DIAPH3: variants seen among roughly 807,000 people sequenced by gnomAD.
DIAPH3 encodes protein diaphanous homolog 3.
DIAPH3 carries 117 observed loss-of-function variants against 144.3 expected under a neutral mutation model. The ratio of observed to expected loss-of-function variants is 0.81; its 90% CI spans 0.70 to 0.95. The LOEUF (loss-of-function observed/expected upper bound fraction) is 0.95. Among genes scored for constraint, DIAPH3 ranks in the 40% least tolerant of loss-of-function variants. The pLI is 0.00. For missense variants in DIAPH3, 1,421 were observed against 1,412.7 expected (o/e 1.01, Z -0.09); for synonymous variants, 519 against 488.9 (o/e 1.06, Z -0.81).
intron 27 of DIAPH3, among the ~76,000 whole-genome samples, chr13:59,753,303 T>C (rs1466604009): frequency 6.6e-6 from 1 of 152,254 alleles, no homozygotes; most frequent in African/African-American, 2.4e-5. Context: ...CAGATATTTA[T>C]GTAATTCTAA....
intron 27 of DIAPH3, among the ~76,000 whole-genome samples, chr13:59,732,689 C>T (rs553308250): frequency 6.6e-6 from 1 of 152,146 alleles, no homozygotes; most frequent in South Asian, 2.1e-4. Flanking sequence ...GCAATCTGCC[C>T]ACCTAAGCCT....
At chr13:59,669,048 GT>G (rs1298157859) in intron 27 of DIAPH3, among the ~76,000 whole-genome samples, 3 of 152,146 alleles carry the variant, frequency 2.0e-5, no homozygotes, top group African/African-American at 7.2e-5. Context: ...TACTGAGGCT[GT>G]CTTCAAGAAA....
At chr13:59,804,456 C>G (rs543197843) in intron 25 of DIAPH3, among the ~76,000 whole-genome samples, 1 of 152,198 alleles carries the variant, frequency 6.6e-6, no homozygotes, top group South Asian at 2.1e-4. Flanking sequence ...AATCTGTGAT[C>G]ATGTGCAAGT....
intron 17 of DIAPH3, among the ~76,000 whole-genome samples, chr13:59,938,166 T>C (rs1375012668): frequency 6.6e-6 from 1 of 152,236 alleles, no homozygotes; most frequent in Non-Finnish European, 1.5e-5. Flanking sequence ...ATTTGCCTGA[T>C]CTGTGTTCTA....
intron 27 of DIAPH3, among the ~76,000 whole-genome samples, chr13:59,772,508 A>T (rs1196758882): frequency 9.9e-5 from 15 of 152,088 alleles, no homozygotes; most frequent in African/African-American, 3.4e-4. Flanking sequence ...GCCAGTACAC[A>T]TTAGCTTTAT....
chr13:59,957,950 A>C (rs1227640074), intron 17 of DIAPH3, among the ~76,000 whole-genome samples: 3 of 152,166 alleles, frequency 2.0e-5, no homozygotes, highest in Non-Finnish European at 4.4e-5. Context: ...TTCTCTAATC[A>C]AAAAGAAAAG....
At chr13:60,139,815 T>C (rs1232463607) in intron 1 of DIAPH3, among the ~76,000 whole-genome samples, 2 of 152,224 alleles carry the variant, frequency 1.3e-5, no homozygotes, top group Non-Finnish European at 2.9e-5. Context: ...ATATAATGGC[T>C]AATTTAGTAA....
At chr13:59,743,853 C>G (rs2036580072) in intron 27 of DIAPH3, among the ~76,000 whole-genome samples, 1 of 152,014 alleles carries the variant, frequency 6.6e-6, no homozygotes, top group Admixed American at 6.6e-5. Flanking sequence ...TGCCAAGGGA[C>G]TGCAACAGGG....
At chr13:59,864,348 A>T (rs2043786876) in intron 21 of DIAPH3, among the ~76,000 whole-genome samples, 1 of 152,016 alleles carries the variant, frequency 6.6e-6, no homozygotes, top group Non-Finnish European at 1.5e-5. Context: ...AGTAGCAAAG[A>T]TCCTTTATCT....
At chr13:60,067,291 A>C (rs1281251183) in intron 4 of DIAPH3, among the ~76,000 whole-genome samples, 1 of 152,154 alleles carries the variant, frequency 6.6e-6, no homozygotes, top group African/African-American at 2.4e-5. Flanking sequence ...TATCAAAAAA[A>C]AAAAAGAAAG....
intron 9 of DIAPH3, among the ~76,000 whole-genome samples, chr13:59,993,237 T>G (rs948584787): frequency 6.6e-6 from 1 of 151,860 alleles, no homozygotes; most frequent in East Asian, 1.9e-4. Flanking sequence ...ATCACAAAAT[T>G]TTCAGCTCAT....
rs77448510 is a variant in DIAPH3 at position 59,781,520 on chromosome 13, G to A, written c.3164-6697C>T. Among the ~76,000 whole-genome samples, 1,054 of 152,312 alleles carry A rather than the reference G, an allele frequency of 6.9e-3. 5 individuals carry two copies. The highest frequency in any genetic ancestry group is 9.2e-3 in the Non-Finnish European group (626 of 68,034). On this transcript the variant is annotated intron_variant, in intron 25 of 27. Coordinates refer to ENST00000400324, the MANE Select transcript of DIAPH3 (RefSeq NM_001042517.2). The stretch of plus-strand genomic sequence containing the variant: ...CAAAAGGAATTCCCAGGATGTCCCA[G>A]TCTCAGAGCAGCCAGTTTAGATCAC...
intron 2 of DIAPH3, among the ~76,000 whole-genome samples, chr13:60,125,826 AG>A (rs1259120279): frequency 2.6e-5 from 4 of 151,714 alleles, no homozygotes; most frequent in African/African-American, 4.8e-5. Context: ...GGAAGCTGCC[AG>A]AGTCCAGAGA....
chr13:59,719,573 C>T (rs2035236193), intron 27 of DIAPH3, among the ~76,000 whole-genome samples: 2 of 151,912 alleles, frequency 1.3e-5, no homozygotes, highest in African/African-American at 2.4e-5. Flanking sequence ...GGTTCTCTCA[C>T]GCTGCTCATG....
chr13:60,019,518 T>G (rs1235492729), intron 5 of DIAPH3, among the ~76,000 whole-genome samples: 1 of 151,930 alleles, frequency 6.6e-6, no homozygotes, highest in African/African-American at 2.4e-5. Flanking sequence ...CAAGGAAAAC[T>G]TCTAAGTATA....
At chr13:60,045,010 G>A (rs1408263239) in intron 4 of DIAPH3, among the ~76,000 whole-genome samples, 1 of 152,182 alleles carries the variant, frequency 6.6e-6, no homozygotes, top group Non-Finnish European at 1.5e-5. Flanking sequence ...CCCCAGCCAT[G>A]TGAAACTGTG....
rs1389067633 is a variant in DIAPH3, at chr13:60,042,727, C to T, written c.589G>A (p.Glu197Lys). The change falls in exon 5 of 28, where the codon GAG (glutamate) becomes AAG (lysine). Residue 197 changes from glutamate to lysine, a missense_variant. Transcript: ENST00000400324. The part of the protein sequence containing the change: ...SADERLVTCL[E>K]SLRVSLTSNP... ...CTGGTCAAAGACACTCGGAGAGACTCCAGGCATGTGACAAGTCTCTCATCT... is the reference window on the plus strand; with the variant it reads ...CTGGTCAAAGACACTCGGAGAGACTTCAGGCATGTGACAAGTCTCTCATCT... 6.2e-7 allele frequency: 1 copy of T among 1,613,668 alleles called. No individual in the cohort carries two copies. The highest frequency in any genetic ancestry group is 1.1e-5 in the South Asian group (1 of 91,070).
At chr13:59,721,062 T>C (rs114478850) in intron 27 of DIAPH3, among the ~76,000 whole-genome samples, 395 of 152,308 alleles carry the variant, frequency 2.6e-3, no homozygotes, top group African/African-American at 8.8e-3. Flanking sequence ...CTTGGCTAAA[T>C]TTTCATACTG....
intron 25 of DIAPH3, among the ~76,000 whole-genome samples, chr13:59,788,732 T>C (rs755960528): frequency 6.6e-6 from 1 of 152,128 alleles, no homozygotes; most frequent in Non-Finnish European, 1.5e-5. Context: ...CTCCAAAATA[T>C]AGTAAGTGAA....
Sources: allele counts gnomAD v4.1 joint callset (sites outside exome capture counted in the v4.1 genomes callset), GRCh38; gene constraint gnomAD v4.1.1; transcripts MANE v1.5; gene names NCBI Gene and HGNC (gene_info 2026-07-23, HGNC 2026-07-21).